SLC2A13: variants seen among roughly 807,000 people sequenced by gnomAD.
The protein encoded by SLC2A13 is proton myo-inositol cotransporter.
SLC2A13 carries 32 observed loss-of-function variants against 64.4 expected under a neutral mutation model. The ratio of observed to expected loss-of-function variants is 0.50; its 90% CI spans 0.37 to 0.67. SLC2A13 has a LOEUF of 0.67. Ranked by LOEUF, SLC2A13 falls within the 30% of genes least tolerant of loss-of-function variation. The pLI, the probability that SLC2A13 is intolerant of heterozygous loss-of-function variation, is 0.00. For synonymous variants in SLC2A13, 338 were observed against 327.1 expected (o/e 1.03, Z -0.36); for missense variants, 743 against 829.2 (o/e 0.90, Z 1.28).
At chr12:39,841,750 A>G (rs535368117) in intron 6 of SLC2A13, among the ~76,000 whole-genome samples, 34 of 152,220 alleles carry the variant, frequency 2.2e-4, no homozygotes, top group South Asian at 6.2e-4. Context: ...AAAAAACAGT[A>G]ACTAATCTTC....
intron 1 of SLC2A13, among the ~76,000 whole-genome samples, chr12:40,102,832 T>TTTAA (rs1242797238): frequency 6.6e-6 from 1 of 152,242 alleles, no homozygotes; most frequent in Non-Finnish European, 1.5e-5. Flanking sequence ...CTTTGTAAGT[T>TTTAA]TTAATGATTT....
At chr12:39,856,488 C>A (rs748306297) in intron 6 of SLC2A13, among the ~76,000 whole-genome samples, 1 of 152,172 alleles carries the variant, frequency 6.6e-6, no homozygotes, top group Non-Finnish European at 1.5e-5. Flanking sequence ...CCTGCCTCAG[C>A]CTCCCTAGTA....
intron 3 of SLC2A13, among the ~76,000 whole-genome samples, chr12:40,020,060 G>GA (rs1253718535): frequency 3.3e-5 from 5 of 152,174 alleles, no homozygotes; most frequent in African/African-American, 1.2e-4. Context: ...CCTCAGGTAA[G>GA]AGGAGAAAAT....
chr12:39,884,655 C>T (rs548177786), intron 4 of SLC2A13, among the ~76,000 whole-genome samples: 122 of 152,152 alleles, frequency 8.0e-4, no homozygotes, highest in African/African-American at 2.8e-3. Context: ...TGAGGGTGAC[C>T]GCCATACATA....
intron 7 of SLC2A13, among the ~76,000 whole-genome samples, chr12:39,780,411 G>T (rs749284542): frequency 1.3e-5 from 2 of 152,136 alleles, no homozygotes; most frequent in Non-Finnish European, 2.9e-5. Flanking sequence ...TCTCCCCTAA[G>T]TTAGCATTCT....
intron 3 of SLC2A13, among the ~76,000 whole-genome samples, chr12:39,960,785 T>C (rs1946398509): frequency 6.8e-6 from 1 of 146,946 alleles, no homozygotes; most frequent in African/African-American, 2.5e-5. Flanking sequence ...TCTTACTGTG[T>C]CACCCAGGCT....
At chr12:39,896,464 A>G (rs1324760120) in intron 4 of SLC2A13, among the ~76,000 whole-genome samples, 1 of 144,382 alleles carries the variant, frequency 6.9e-6, no homozygotes, top group Non-Finnish European at 1.5e-5. Context: ...GTATATATGT[A>G]TACATATATG....
At chr12:40,081,032 A>G (rs895636033) in intron 1 of SLC2A13, among the ~76,000 whole-genome samples, 3 of 152,144 alleles carry the variant, frequency 2.0e-5, no homozygotes, top group Non-Finnish European at 4.4e-5. Context: ...TAAGCCCCCC[A>G]ATCTCTTCTG....
intron 6 of SLC2A13, among the ~76,000 whole-genome samples, chr12:39,860,948 A>G (rs548145471): frequency 2.0e-4 from 31 of 152,250 alleles, no homozygotes; most frequent in African/African-American, 6.7e-4. Flanking sequence ...TCTTCCATGG[A>G]TTTACGTTCT....
chr12:39,912,071 A>T (rs1945441465), intron 4 of SLC2A13, among the ~76,000 whole-genome samples: 2 of 151,964 alleles, frequency 1.3e-5, no homozygotes. Context: ...GCCCAGGACC[A>T]CCCTGATCCT....
intron 3 of SLC2A13, among the ~76,000 whole-genome samples, chr12:39,966,279 C>A (rs1187371865): frequency 1.3e-5 from 2 of 151,870 alleles, no homozygotes; most frequent in African/African-American, 4.8e-5. Flanking sequence ...TACTTGTAGA[C>A]CTTTACTTCC....
At position 40,103,058 on chromosome 12, in the gene SLC2A13, C is replaced by A. The variant is rs184630726; in HGVS notation, c.556+2195G>T. Among the ~76,000 whole-genome samples the A allele has an allele frequency of 2.6e-5, 4 of 152,278 alleles. No homozygotes were observed. In the South Asian group the frequency reaches 8.3e-4, roughly 32 times the overall value. The stretch of plus-strand genomic sequence containing the variant: ...TTTCTGGAAGTGAGATGGGCCACAC[C>A]AGAACTGAATGGAGAACATATCTAA... On this transcript the variant is annotated intron_variant, in intron 1 of 9. Transcript: ENST00000280871.
chr12:39,901,227 C>T (rs1335359897), intron 4 of SLC2A13, among the ~76,000 whole-genome samples: 4 of 152,150 alleles, frequency 2.6e-5, no homozygotes, highest in African/African-American at 9.7e-5. Flanking sequence ...AGACCTGAAA[C>T]CATAAAAACC....
chr12:39,843,056 T>TA lies in SLC2A13; in HGVS notation c.1320-12829dup, dbSNP rs759147994. ...ATTTCTACGTTTTTTCGCTGTTTTA[T>TA]AAAAAAAACTGTTGCTATGAACATT... On this transcript the variant is annotated intron_variant, in intron 6 of 9. Coordinates refer to ENST00000280871, the MANE Select transcript of SLC2A13 (RefSeq NM_052885.4). Among the ~76,000 whole-genome samples, 10 of 151,940 alleles carry TA rather than the reference T, an allele frequency of 6.6e-5. No homozygotes were observed. In the East Asian group the frequency reaches 9.7e-4, roughly 15 times the overall value.
At chr12:39,868,407 A>G (rs542239577) in intron 5 of SLC2A13, among the ~76,000 whole-genome samples, 1 of 152,356 alleles carries the variant, frequency 6.6e-6, no homozygotes, top group African/African-American at 2.4e-5. Flanking sequence ...AAAAAACAAA[A>G]TAATTTCCCT....
At chr12:39,922,113 A>G (rs1434028477) in intron 4 of SLC2A13, among the ~76,000 whole-genome samples, 1 of 152,184 alleles carries the variant, frequency 6.6e-6, no homozygotes, top group East Asian at 1.9e-4. Flanking sequence ...AGAGGTGTAC[A>G]AACACTTAAA....
At chr12:39,912,698 T>C (rs935535636) in intron 4 of SLC2A13, among the ~76,000 whole-genome samples, 1 of 151,998 alleles carries the variant, frequency 6.6e-6, no homozygotes, top group Non-Finnish European at 1.5e-5. Flanking sequence ...AGAAACTACA[T>C]GGCAATATCC....
intron 4 of SLC2A13, among the ~76,000 whole-genome samples, chr12:39,935,479 A>G (rs994198182): frequency 3.3e-5 from 5 of 152,190 alleles, no homozygotes; most frequent in Non-Finnish European, 1.5e-5. Context: ...ACATCATGCT[A>G]TGACTCTGGA....
At chr12:40,005,528 C>T (rs1382612972) in intron 3 of SLC2A13, among the ~76,000 whole-genome samples, 2 of 152,058 alleles carry the variant, frequency 1.3e-5, no homozygotes, top group African/African-American at 2.4e-5. Context: ...AAGAGTGATA[C>T]CTAAATCTGA....
Sources: gnomAD v4.1 joint callset for allele counts (sites outside exome capture counted in the v4.1 genomes callset) on GRCh38, gnomAD v4.1.1 for gene constraint, MANE v1.5 for transcripts, NCBI Gene and HGNC (gene_info 2026-07-23, HGNC 2026-07-21) for gene names.